RIN2: variants seen among roughly 807,000 people sequenced by gnomAD.
The protein encoded by RIN2 is RAB5 interacting protein 2.
Under a neutral mutation model 78.0 loss-of-function variants are expected in RIN2, and 36 were observed. The ratio of observed to expected loss-of-function variants is 0.46; its 90% CI spans 0.35 to 0.61. The LOEUF is 0.61. RIN2 is among the 20% of genes least tolerant of loss of function. The pLI is 0.00. For missense variants in RIN2, 1,087 were observed against 1,159.7 expected (o/e 0.94, Z 0.91); for synonymous variants, 466 against 466.8 (o/e 1.00, Z 0.02).
rs1308081408 is a variant in RIN2 at position 19,851,042 on chromosome 20, G to A, written c.-36-38524G>A. Among the ~76,000 whole-genome samples the A allele has an allele frequency of 6.3e-3, 466 of 74,296 alleles. 5 individuals carry two copies. The highest frequency in any genetic ancestry group is 0.013 in the Middle Eastern group (2 of 158). 48.7% of individuals were successfully genotyped at this position (74,296 alleles called of 152,430 possible). A position where few individuals can be genotyped will look rare whatever the true frequency, so the allele number is the denominator to read the frequency against. On this transcript the variant is annotated intron_variant, in intron 2 of 12. Transcript: ENST00000255006. ...GGAAGGAAGGAAGGAAGGAAGGAAG[G>A]AAGGAAGGAGAAAGAAAGGAAGGAA...
intron 1 of RIN2, among the ~76,000 whole-genome samples, chr20:19,773,941 T>A (rs2034223838): frequency 6.7e-6 from 1 of 150,224 alleles, no homozygotes; most frequent in Admixed American, 6.7e-5. Flanking sequence ...AAAGGAAATA[T>A]GTTTAGCTTC....
chr20:19,780,893 G>A (rs2034479147), intron 1 of RIN2, among the ~76,000 whole-genome samples: 1 of 152,194 alleles, frequency 6.6e-6, no homozygotes, highest in Non-Finnish European at 1.5e-5. Flanking sequence ...GGCTTTACAT[G>A]TAACAAGGTA....
rs985619111 is a variant in RIN2, at chr20:19,889,685, C to T, written c.57+27C>T. On this transcript the variant is annotated intron_variant, in intron 3 of 12. Transcript: ENST00000255006. ...TAAAAGGAAGCCTTGATTGGGATCTCAACTCGTCGGCTTGCTGCCTGAGCC... is the reference window on the plus strand; with the variant it reads ...TAAAAGGAAGCCTTGATTGGGATCTTAACTCGTCGGCTTGCTGCCTGAGCC... 4.8e-6 allele frequency: 7 copies of T among 1,445,870 alleles called. No individual in the cohort carries two copies. The African/African-American group carries it at 8.6e-5, about 18-fold the overall frequency. 89.6% of individuals were successfully genotyped at this position (1,445,870 alleles called of 1,614,324 possible).
intron 9 of RIN2, among the ~76,000 whole-genome samples, chr20:19,982,598 G>T (rs773499941): frequency 6.6e-6 from 1 of 152,188 alleles, no homozygotes; most frequent in South Asian, 2.1e-4. Flanking sequence ...ACTTGTGGGT[G>T]CTTGGTCATA....
chr20:19,868,526 G>C (rs1035863495), intron 2 of RIN2, among the ~76,000 whole-genome samples: 8 of 152,316 alleles, frequency 5.3e-5, no homozygotes, highest in African/African-American at 1.9e-4. Context: ...GGAAACACGT[G>C]AAATGAGCAG....
chr20:19,822,976 ATAAT>A (rs1212361212), intron 2 of RIN2, among the ~76,000 whole-genome samples: 2 of 152,192 alleles, frequency 1.3e-5, no homozygotes, highest in African/African-American at 4.8e-5. Flanking sequence ...CTAATAATAA[ATAAT>A]CACTAGAATA....
intron 1 of RIN2, among the ~76,000 whole-genome samples, chr20:19,775,741 A>G (rs188567381): frequency 7.6e-4 from 116 of 152,350 alleles, no homozygotes; most frequent in East Asian, 3.1e-3. Flanking sequence ...GTCCACTGAC[A>G]GAGTCCAAAC....
At chr20:19,844,666 CTTCCTT>C (rs1382427883) in intron 2 of RIN2, among the ~76,000 whole-genome samples, 33 of 131,298 alleles carry the variant, frequency 2.5e-4, no homozygotes, top group African/African-American at 9.8e-4. Context: ...TCTTCTTCTT[CTTCCTT>C]CTTCTTCTTC....
At chr20:19,763,472 A>T (rs1334304912) in intron 1 of RIN2, among the ~76,000 whole-genome samples, 19 of 152,232 alleles carry the variant, frequency 1.2e-4, no homozygotes, top group Admixed American at 1.2e-3. Context: ...GAATAGAACC[A>T]CACAAGTGAA....
At chr20:19,855,942 C>A (rs1238396508) in intron 2 of RIN2, among the ~76,000 whole-genome samples, 1 of 152,210 alleles carries the variant, frequency 6.6e-6, no homozygotes, top group East Asian at 1.9e-4. Flanking sequence ...GGTATGGTGG[C>A]AGGCACCTGT....
intron 4 of RIN2, among the ~76,000 whole-genome samples, chr20:19,952,630 C>A (rs973521032): frequency 1.3e-5 from 2 of 152,156 alleles, no homozygotes; most frequent in Non-Finnish European, 2.9e-5. Flanking sequence ...TTTTCAGCTC[C>A]TTGAAACCAC....
intron 1 of RIN2, among the ~76,000 whole-genome samples, chr20:19,785,297 CA>C (rs1227165186): frequency 0.013 from 1,911 of 152,090 alleles, 24 homozygotes; most frequent in South Asian, 0.024. Flanking sequence ...CACACACACA[CA>C]CACCAGAGCA....
intron 9 of RIN2, among the ~76,000 whole-genome samples, chr20:19,987,823 G>A (rs1332510497): frequency 1.3e-5 from 2 of 152,008 alleles, no homozygotes; most frequent in Admixed American, 6.6e-5. Flanking sequence ...AACCTCCTTC[G>A]CATCAACCTT....
chr20:19,851,026 G>GAGA (rs1399651399), intron 2 of RIN2, among the ~76,000 whole-genome samples: 1,618 of 109,018 alleles, frequency 0.015, 27 homozygotes, highest in African/African-American at 0.059. Flanking sequence ...AGGAAGGAAG[G>GAGA]AAGGAAGGAA....
chr20:19,912,717 G>A (rs1231800401), intron 3 of RIN2, among the ~76,000 whole-genome samples: 2 of 152,056 alleles, frequency 1.3e-5, no homozygotes, highest in Non-Finnish European at 2.9e-5. Flanking sequence ...GAGCTCAAGT[G>A]ATCCACTCGC....
At chr20:19,834,042 A>G (rs2036331957) in intron 2 of RIN2, among the ~76,000 whole-genome samples, 1 of 152,184 alleles carries the variant, frequency 6.6e-6, no homozygotes, top group Non-Finnish European at 1.5e-5. Context: ...ACAACTAAGC[A>G]TCACATGAAA....
intron 4 of RIN2, among the ~76,000 whole-genome samples, chr20:19,954,405 C>T (rs2041449485): frequency 6.6e-6 from 1 of 152,140 alleles, no homozygotes; most frequent in South Asian, 2.1e-4. Flanking sequence ...TTGGCTGCCC[C>T]AGGATAGGGC....
rs41306763 is a variant in RIN2, at chr20:19,974,829, C to T, written c.804C>T (p.Ala268=). The change falls in exon 9 of 13, where the codon GCC becomes GCT. Residue 268 remains alanine, a synonymous_variant. Coordinates refer to ENST00000255006, the MANE Select transcript of RIN2 (RefSeq NM_018993.4). ...TGGAGTGCAGCCAGACCAACGGGGCCCTGTGCTTTATTAATCCCCTTTTCT... is the reference window on the plus strand; with the variant it reads ...TGGAGTGCAGCCAGACCAACGGGGCTCTGTGCTTTATTAATCCCCTTTTCT... ...SELECSQTNG[A]LCFINPLFLK... The T allele has an allele frequency of 0.02, 31,649 of 1,613,956 alleles. 354 individuals are homozygous for T. Among genetic ancestry groups the T allele is most frequent in the Non-Finnish European group, 0.024 (27,872 of 1,179,884 alleles).
At chr20:19,792,424 G>A (rs2034917994) in intron 1 of RIN2, among the ~76,000 whole-genome samples, 1 of 152,190 alleles carries the variant, frequency 6.6e-6, no homozygotes, top group Non-Finnish European at 1.5e-5. Context: ...GGTCATCAGA[G>A]GGTATCATGT....
Sources: allele counts gnomAD v4.1 joint callset (sites outside exome capture counted in the v4.1 genomes callset), GRCh38; gene constraint gnomAD v4.1.1; transcripts MANE v1.5; gene names NCBI Gene and HGNC (gene_info 2026-07-23, HGNC 2026-07-21).